Variants in SMOC2 observed in about 807,000 individuals in gnomAD.
The protein encoded by SMOC2 is SPARC related modular calcium binding 2, also known as SPARC-related modular calcium-binding protein 2.
SMOC2 carries 39 observed loss-of-function variants against 61.4 expected under a neutral mutation model. The ratio of observed to expected loss-of-function variants is 0.64; its 90% CI spans 0.49 to 0.83. The LOEUF is 0.83. Among genes scored for constraint, SMOC2 ranks in the 40% least tolerant of loss-of-function variants. The pLI, the probability that SMOC2 is intolerant of heterozygous loss-of-function variation, is 0.00. For missense variants in SMOC2, 556 were observed against 592.9 expected, an observed-to-expected ratio of 0.94 and a Z score of 0.65; for synonymous variants, 247 against 239.9, an observed-to-expected ratio of 1.03 and a Z score of -0.27.
intron 7 of SMOC2, among the ~76,000 whole-genome samples, chr6:168,552,901 G>C (rs543508980): frequency 7.2e-6 from 1 of 138,338 alleles, no homozygotes; most frequent in Non-Finnish European, 1.5e-5. Flanking sequence ...ACTGTCCTCC[G>C]AGATGCTCTG....
chr6:168,647,248 A>G (rs530960896), intron 9 of SMOC2, among the ~76,000 whole-genome samples: 17 of 152,318 alleles, frequency 1.1e-4, no homozygotes, highest in Admixed American at 3.3e-4. Flanking sequence ...CAACCCTTCC[A>G]TGACGCAGTA....
intron 4 of SMOC2, among the ~76,000 whole-genome samples, chr6:168,538,496 G>C (rs1358352339): frequency 2.6e-5 from 2 of 76,050 alleles, no homozygotes; most frequent in Non-Finnish European, 2.5e-5. Flanking sequence ...CTGCTGGAAT[G>C]TGGGGGAGTG....
Position 168,599,451 on chromosome 6 carries a change from AC to A in SMOC2, c.824+452del, listed in dbSNP as rs1410539399. On this transcript the variant is annotated intron_variant, in intron 8 of 12. Coordinates refer to ENST00000356284, the MANE Select transcript of SMOC2 (RefSeq NM_001166412.2). Reference sequence around the variant, plus strand: ...CACCCACACTCACACACACATTCGTACCCCCACACACCCACTCACACCCACA... The same window carrying A: ...CACCCACACTCACACACACATTCGTACCCCACACACCCACTCACACCCACA... Among the ~76,000 whole-genome samples, 34 of 90,476 alleles carry A rather than the reference AC, an allele frequency of 3.8e-4. No homozygotes were observed. The South Asian group carries it at 5.7e-3, about 15-fold the overall frequency. The allele number at this position is 90,476 out of a possible 152,430, so 59.4% of individuals were successfully genotyped here.
intron 7 of SMOC2, among the ~76,000 whole-genome samples, chr6:168,574,532 G>A (rs1784750897): frequency 6.6e-6 from 1 of 152,214 alleles, no homozygotes; most frequent in Non-Finnish European, 1.5e-5. Flanking sequence ...GGTAAAGGGT[G>A]CAAGAGCAGC....
chr6:168,514,618 TTAAA>T (rs746740179), intron 2 of SMOC2, among the ~76,000 whole-genome samples: 433 of 152,336 alleles, frequency 2.8e-3, no homozygotes, highest in Non-Finnish European at 5.1e-3. Context: ...AAGAATAAAT[TTAAA>T]TATCAGATGA....
At chr6:168,451,957 T>A (rs1381728498) in intron 1 of SMOC2, among the ~76,000 whole-genome samples, 1 of 152,224 alleles carries the variant, frequency 6.6e-6, no homozygotes, top group East Asian at 1.9e-4. Flanking sequence ...GGGAAGCCCC[T>A]GTCCTTTTTT....
chr6:168,664,792 A>C (rs1278648157), intron 12 of SMOC2: 1 of 471,176 alleles, frequency 2.1e-6, no homozygotes, highest in Non-Finnish European at 4.4e-6. Flanking sequence ...AGTCAAGAAC[A>C]CTTTCCAGAA....
chr6:168,641,681 G>A (rs1307141377), intron 9 of SMOC2, among the ~76,000 whole-genome samples: 2 of 152,160 alleles, frequency 1.3e-5, no homozygotes, highest in African/African-American at 2.4e-5. Flanking sequence ...GGGAGTTTAC[G>A]GCAGCACTCA....
chr6:168,538,815 C>A (rs1048790966), intron 4 of SMOC2, among the ~76,000 whole-genome samples: 3 of 151,368 alleles, frequency 2.0e-5, no homozygotes, highest in Non-Finnish European at 2.9e-5. Context: ...GTGGGGTGAC[C>A]CCTGCTGGAA....
At chr6:168,503,140 G>T (rs59712292) in intron 1 of SMOC2, among the ~76,000 whole-genome samples, 17 of 126,190 alleles carry the variant, frequency 1.3e-4, no homozygotes, top group African/African-American at 4.9e-4. Context: ...GTGCAGTGGC[G>T]CAATCTCTGC....
chr6:168,507,727 C>T (rs1050314929), intron 1 of SMOC2, among the ~76,000 whole-genome samples: 2 of 152,256 alleles, frequency 1.3e-5, no homozygotes, highest in Non-Finnish European at 2.9e-5. Context: ...TGAAAGCATA[C>T]ATATTTGCAA....
intron 7 of SMOC2, among the ~76,000 whole-genome samples, chr6:168,592,682 G>A (rs1385736089): frequency 8.2e-5 from 5 of 61,088 alleles, no homozygotes; most frequent in Admixed American, 1.7e-4. Flanking sequence ...AGGCCTCACG[G>A]GCATCTTTCT....
intron 4 of SMOC2, among the ~76,000 whole-genome samples, chr6:168,528,009 G>A (rs1034369184): frequency 6.6e-6 from 1 of 152,242 alleles, no homozygotes; most frequent in Non-Finnish European, 1.5e-5. Flanking sequence ...GGGTTAAGAT[G>A]ATTCAGGTCC....
chr6:168,568,754 T>C (rs1462668101), intron 7 of SMOC2, among the ~76,000 whole-genome samples: 1 of 152,226 alleles, frequency 6.6e-6, no homozygotes, highest in African/African-American at 2.4e-5. Flanking sequence ...TCTTCCAGAA[T>C]GTCAGAGAGT....
In SMOC2 at chr6:168,653,007, A is replaced by G. The variant is rs779395504; in HGVS notation, c.1064A>G (p.Tyr355Cys). Residue 355 changes from tyrosine to cysteine, a missense_variant, in exon 11 of 13, where the codon TAC (tyrosine) becomes TGC (cysteine). Physicochemically the swap from Tyr to Cys is radical, Grantham distance 194. Coordinates refer to ENST00000356284, the MANE Select transcript of SMOC2 (RefSeq NM_001166412.2). ...HTLEERVVHW[Y>C]FKLLDKNSSG... ...CTAGAGGAGCGGGTGGTGCACTGGT[A>G]CTTCAAACTACTGGATAAAAACTCC... 3 of 1,614,090 alleles carry G rather than the reference A, an allele frequency of 1.9e-6. No individual in the cohort carries two copies. The highest frequency in any genetic ancestry group is 4.5e-5 in the East Asian group (2 of 44,872).
chr6:168,607,017 C>G (rs1420619623), intron 8 of SMOC2, among the ~76,000 whole-genome samples: 1 of 152,012 alleles, frequency 6.6e-6, no homozygotes, highest in Non-Finnish European at 1.5e-5. Context: ...TGTGGGCTGT[C>G]TGGGGTCCTG....
intron 1 of SMOC2, among the ~76,000 whole-genome samples, chr6:168,489,893 G>A (rs2749271): frequency 0.046 from 6,107 of 131,360 alleles, 202 homozygotes; most frequent in South Asian, 0.18. Context: ...GAAATATATC[G>A]AATCGTCTGG....
chr6:168,591,525 A>G (rs1311816532), intron 7 of SMOC2, among the ~76,000 whole-genome samples: 1 of 152,160 alleles, frequency 6.6e-6, no homozygotes, highest in Non-Finnish European at 1.5e-5. Flanking sequence ...TTGAGTGAGA[A>G]TGAACTTAAT....
At chr6:168,595,193 ACGAGG>A (rs1785291712) in intron 7 of SMOC2, among the ~76,000 whole-genome samples, 1 of 107,446 alleles carries the variant, frequency 9.3e-6, no homozygotes, top group Non-Finnish European at 1.9e-5. Flanking sequence ...CTGAGGCCTC[ACGAGG>A]GGCATCTTTC....
Sources: gnomAD v4.1 joint callset for allele counts (sites outside exome capture counted in the v4.1 genomes callset) on GRCh38, gnomAD v4.1.1 for gene constraint, MANE v1.5 for transcripts, NCBI Gene and HGNC (gene_info 2026-07-23, HGNC 2026-07-21) for gene names.